Variants in BCO2 observed in about 807,000 individuals in gnomAD.
The protein encoded by BCO2 is beta-carotene oxygenase 2, also known as carotenoid-cleaving dioxygenase, mitochondrial.
Under a neutral mutation model 65.8 loss-of-function variants are expected in BCO2, and 56 were observed. That is an observed-to-expected ratio of 0.85 (90% CI 0.69 to 1.06). BCO2 has a LOEUF of 1.06. BCO2 is among the 50% of genes least tolerant of loss of function. The probability of loss-of-function intolerance (pLI) is 0.00; values close to 1 mark genes in which losing one functional copy is unlikely to be tolerated. For missense variants in BCO2, 675 were observed against 698.5 expected (o/e 0.97, Z 0.38); for synonymous variants, 233 against 242.3 (o/e 0.96, Z 0.36).
intron 2 of BCO2, among the ~76,000 whole-genome samples, chr11:112,190,281 C>G (rs1867335079): frequency 6.6e-6 from 1 of 152,028 alleles, no homozygotes; most frequent in East Asian, 1.9e-4. Context: ...AAGACCCTGT[C>G]TCTTAAAAAA....
chr11:112,185,513 G>A (rs1359630901), intron 2 of BCO2, among the ~76,000 whole-genome samples: 1 of 152,080 alleles, frequency 6.6e-6, no homozygotes, highest in East Asian at 1.9e-4. Flanking sequence ...GAAAAGGGAG[G>A]CTAGGGGAAG....
At chr11:112,199,525 G>C (rs1262172107) in intron 5 of BCO2, among the ~76,000 whole-genome samples, 174 bp from the exon 6 acceptor site, 1 of 152,150 alleles carries the variant, frequency 6.6e-6, no homozygotes, top group African/African-American at 2.4e-5. Flanking sequence ...TATTTTCATA[G>C]AGCTAACATT....
Position 112,175,699 on chromosome 11 carries a change from T to C in BCO2, c.88+10T>C, listed in dbSNP as rs1347202731. On this transcript the variant is annotated intron_variant, in intron 1 of 11. Transcript: ENST00000357685. ...GTGCACCGGCTCCCAGGTAGAGGGT[T>C]TGCCCCTTTCTCTTCCTCATCCTCC... 6.2e-7 allele frequency: 1 copy of C among 1,608,590 alleles called. No individual in the cohort carries two copies. The highest frequency in any genetic ancestry group is 1.7e-5 in the Admixed American group (1 of 60,016).
At chr11:112,190,094 T>G (rs1232249953) in intron 2 of BCO2, among the ~76,000 whole-genome samples, 1 of 151,868 alleles carries the variant, frequency 6.6e-6, no homozygotes, top group East Asian at 1.9e-4. Context: ...GAGATTAGCC[T>G]GGGCAACATA....
chr11:112,212,546 T>C (rs1859541625), intron 8 of BCO2, among the ~76,000 whole-genome samples: 1 of 151,972 alleles, frequency 6.6e-6, no homozygotes, highest in Non-Finnish European at 1.5e-5. Flanking sequence ...CAAAGCAAAA[T>C]AAGCAAAAGG....
At chr11:112,183,467 G>C (rs1314138167) in intron 2 of BCO2, among the ~76,000 whole-genome samples, 2 of 152,166 alleles carry the variant, frequency 1.3e-5, no homozygotes, top group Non-Finnish European at 2.9e-5. Context: ...CTAGTTTTAT[G>C]ACCAGGAATA....
rs746225306 is a variant in BCO2 at position 112,194,642 on chromosome 11, C to A, written c.634-11C>A. On this transcript the variant is annotated splice_polypyrimidine_tract_variant and intron_variant, in intron 4 of 11. Coordinates refer to ENST00000357685, the MANE Select transcript of BCO2 (RefSeq NM_031938.7). Reference sequence around the variant, plus strand: ...GCCCATTAAAAATCTCCAGTGGTCTCAAATTTGCAGGTAGATTGGAGCAAA... The same window carrying A: ...GCCCATTAAAAATCTCCAGTGGTCTAAAATTTGCAGGTAGATTGGAGCAAA... The A allele has an allele frequency of 1.3e-6, 2 of 1,570,128 alleles. No individual in the cohort carries two copies. The highest frequency in any genetic ancestry group is 1.8e-6 in the Non-Finnish European group (2 of 1,141,124).
At chr11:112,207,692 G>A (rs11214133) in intron 8 of BCO2, among the ~76,000 whole-genome samples, 1 of 152,074 alleles carries the variant, frequency 6.6e-6, no homozygotes, top group African/African-American at 2.4e-5. Context: ...CAAAAATATG[G>A]TCACATTTTA....
chr11:112,190,903 G>T (rs947575909), intron 2 of BCO2, among the ~76,000 whole-genome samples: 8 of 148,680 alleles, frequency 5.4e-5, no homozygotes, highest in African/African-American at 2.0e-4. Flanking sequence ...TGTAGGATTT[G>T]TTGGATAGTT....
At chr11:112,195,456 AT>A (rs144479009) in intron 5 of BCO2, among the ~76,000 whole-genome samples, 204 of 144,984 alleles carry the variant, frequency 1.4e-3, no homozygotes, top group African/African-American at 5.0e-3. Context: ...TTTATTTTTT[AT>A]TTTTTTTTAC....
intron 8 of BCO2, among the ~76,000 whole-genome samples, chr11:112,209,507 T>C (rs1412539605): frequency 6.6e-6 from 1 of 152,242 alleles, no homozygotes; most frequent in African/African-American, 2.4e-5. Flanking sequence ...TTGGCAATTA[T>C]GAATAAAGCT....
intron 8 of BCO2, among the ~76,000 whole-genome samples, chr11:112,204,909 C>T: frequency 6.6e-6 from 1 of 152,224 alleles, no homozygotes; most frequent in Non-Finnish European, 1.5e-5. Context: ...AGATGATCTG[C>T]CCACCTTGGC....
intron 5 of BCO2, among the ~76,000 whole-genome samples, chr11:112,198,885 T>C (rs974361472): frequency 6.6e-6 from 1 of 151,446 alleles, no homozygotes; most frequent in African/African-American, 2.4e-5. Context: ...GTTTAAGAAC[T>C]TCAACTCTAT....
At chr11:112,194,628 A>G (rs757807027) in intron 4 of BCO2, 25 bp from the exon 5 acceptor site, 4 of 1,418,196 alleles carry the variant, frequency 2.8e-6, no homozygotes, top group East Asian at 4.6e-5. Flanking sequence ...CCCATTAAAA[A>G]TCTCCAGTGG....
At chr11:112,214,532 A>G (rs1466326811) in intron 9 of BCO2, among the ~76,000 whole-genome samples, 3 of 152,226 alleles carry the variant, frequency 2.0e-5, no homozygotes, top group Non-Finnish European at 4.4e-5. Context: ...AGAAGAATAA[A>G]ACGCATATCT....
chr11:112,201,822 T>G (rs1867743426), intron 7 of BCO2, among the ~76,000 whole-genome samples: 1 of 152,230 alleles, frequency 6.6e-6, no homozygotes, highest in Non-Finnish European at 1.5e-5. Context: ...AGTTCATTGC[T>G]TAAGCAAGCA....
At chr11:112,211,554 G>A (rs1448843031) in intron 8 of BCO2, among the ~76,000 whole-genome samples, 80 of 151,690 alleles carry the variant, frequency 5.3e-4, no homozygotes, top group South Asian at 4.2e-4. Flanking sequence ...ATTTTTCTAC[G>A]GTGGCCACAG....
At chr11:112,207,579 T>A (rs897425939) in intron 8 of BCO2, among the ~76,000 whole-genome samples, 1 of 152,260 alleles carries the variant, frequency 6.6e-6, no homozygotes, top group Non-Finnish European at 1.5e-5. Context: ...TAAGGTTTAG[T>A]GTCAAGTTAT....
intron 3 of BCO2, 69 bp downstream of exon 3, chr11:112,193,766 G>A: frequency 6.4e-7 from 1 of 1,558,748 alleles, no homozygotes; most frequent in Non-Finnish European, 8.8e-7. Flanking sequence ...CTTGAAAATA[G>A]ATTTTTTTGT....
Sources: allele counts gnomAD v4.1 joint callset (sites outside exome capture counted in the v4.1 genomes callset), GRCh38; gene constraint gnomAD v4.1.1; transcripts MANE v1.5; gene names NCBI Gene and HGNC (gene_info 2026-07-23, HGNC 2026-07-21).